SPTY2D1: variants seen among roughly 807,000 people sequenced by gnomAD.
The protein encoded by SPTY2D1 is protein SPT2 homolog.
Under a neutral mutation model 64.0 loss-of-function variants are expected in SPTY2D1, and 21 were observed. The observed-to-expected ratio is 0.33, with a 90% CI of 0.23 to 0.47. SPTY2D1 has a LOEUF of 0.47. Ranked by LOEUF, SPTY2D1 falls within the 20% of genes least tolerant of loss-of-function variation. SPTY2D1 has a pLI of 1.00. For synonymous variants in SPTY2D1, 287 were observed against 286.8 expected (o/e 1.00, Z -0.01); for missense variants, 724 against 837.2 (o/e 0.86, Z 1.67).
chr11:18,614,488 T>A (rs1854256001), intron 3 of SPTY2D1, 75 bp downstream of exon 3: 2 of 1,410,924 alleles, frequency 1.4e-6, no homozygotes, highest in Non-Finnish European at 1.9e-6. Context: ...GTTCAAAGGG[T>A]CCCTGATAAT....
In SPTY2D1 at chr11:18,611,545, A is replaced by C. The variant is rs768363830; in HGVS notation, c.1896T>G (p.Asp632Glu). The C allele has an allele frequency of 1.2e-6, 2 of 1,613,540 alleles. No individual in the cohort carries two copies. Among genetic ancestry groups the C allele is most frequent in the Non-Finnish European group, 1.7e-6 (2 of 1,179,750 alleles). The change falls in exon 5 of 6, where the codon GAT (aspartate) becomes GAG (glutamate). Residue 632 changes from aspartate to glutamate, a missense_variant. Asp to Glu is a conservative substitution (Grantham distance 45). Transcript: ENST00000336349. ...TGTAACGTAAGGCATAATCACTTTCATCTTTGTATCTGATAAAAGGAAATC... is the reference window on the plus strand; with the variant it reads ...TGTAACGTAAGGCATAATCACTTTCCTCTTTGTATCTGATAAAAGGAAATC... Reference protein sequence around the residue: ...IFGYDRKKYKDESDYALRYME... With the variant: ...IFGYDRKKYKEESDYALRYME...
intron 3 of SPTY2D1, among the ~76,000 whole-genome samples, chr11:18,614,332 G>C (rs747753690): frequency 1.3e-5 from 2 of 152,156 alleles, no homozygotes; most frequent in Non-Finnish European, 2.9e-5. Context: ...TAAGGTGGGA[G>C]AACTGCTTGA....
At position 18,634,310 on chromosome 11, in the gene SPTY2D1, G is replaced by T. The variant is rs538178725; in HGVS notation, c.-53C>A. 2.8e-5 allele frequency: 44 copies of T among 1,597,372 alleles called. No individual in the cohort carries two copies. The South Asian group carries it at 3.5e-4, about 13-fold the overall frequency. On this transcript the variant is annotated 5_prime_UTR_variant, in exon 1 of 6. Transcript: ENST00000336349. The stretch of plus-strand genomic sequence containing the variant: ...CAGGCACTCGGAAAGGACTGACAGC[G>T]CACCTAACCGAGGCGCCCAGCTACA...
rs76924634 is a variant in SPTY2D1 at position 18,611,014 on chromosome 11, G to C, written c.1964+463C>G. Among the ~76,000 whole-genome samples the C allele has an allele frequency of 8.7e-3, 1,325 of 152,276 alleles. 21 individuals carry two copies. The highest frequency in any genetic ancestry group is 0.027 in the African/African-American group (1,108 of 41,550). Reference sequence around the variant, plus strand: ...ATTCTCATTTTACAAAAGAAAATAGGCTGGGCATGGTGGCTCACACCTATA... The same window carrying C: ...ATTCTCATTTTACAAAAGAAAATAGCCTGGGCATGGTGGCTCACACCTATA... On this transcript the variant is annotated intron_variant, in intron 5 of 5. Coordinates refer to ENST00000336349, the MANE Select transcript of SPTY2D1 (RefSeq NM_194285.3).
chr11:18,632,152 T>TAAA (rs879568614), intron 1 of SPTY2D1, among the ~76,000 whole-genome samples: 1 of 143,084 alleles, frequency 7.0e-6, no homozygotes, highest in African/African-American at 2.6e-5. Flanking sequence ...GACTCTATCT[T>TAAA]AAAAAAAAAA....
chr11:18,620,706 GA>G (rs1854381158), intron 1 of SPTY2D1, among the ~76,000 whole-genome samples: 1 of 151,786 alleles, frequency 6.6e-6, no homozygotes. Context: ...CCAACACAGT[GA>G]AACCCTGTCT....
At chr11:18,631,605 A>C (rs11024742) in intron 1 of SPTY2D1, among the ~76,000 whole-genome samples, 3,409 of 131,612 alleles carry the variant, frequency 0.026, 68 homozygotes, top group East Asian at 0.08. Context: ...TAGATAACAA[A>C]AAAAAAAAAA....
rs986355391 is a variant in SPTY2D1 at position 18,608,856 on chromosome 11, G to A, written c.*1005C>T. The A allele has an allele frequency of 6.6e-6, 1 of 152,538 alleles. No homozygotes were observed. Among genetic ancestry groups the A allele is most frequent in the South Asian group, 2.1e-4 (1 of 4,834 alleles). The allele number at this position is 152,538 out of a possible 1,614,324, so 9.4% of individuals were successfully genotyped here. A position where few individuals can be genotyped will look rare whatever the true frequency, so the allele number is the denominator to read the frequency against. ...GGCAAAAAGAGAAGGTGGTGCTCTCGATACCATAAATTTAGTTTTTGGTTT... is the reference window on the plus strand; with the variant it reads ...GGCAAAAAGAGAAGGTGGTGCTCTCAATACCATAAATTTAGTTTTTGGTTT... On this transcript the variant is annotated 3_prime_UTR_variant, in exon 6 of 6. Transcript: ENST00000336349.
In SPTY2D1 at chr11:18,634,332, T is replaced by A; in HGVS notation, c.-75A>T. On this transcript the variant is annotated 5_prime_UTR_variant, in exon 1 of 6. Coordinates refer to ENST00000336349, the MANE Select transcript of SPTY2D1 (RefSeq NM_194285.3). The stretch of plus-strand genomic sequence containing the variant: ...AGCGCACCTAACCGAGGCGCCCAGC[T>A]ACAGCCAACTGCACTGCCTCGGGAG... 6.6e-7 allele frequency: 1 copy of A among 1,511,824 alleles called. No individual in the cohort carries two copies. Among genetic ancestry groups the A allele is most frequent in the Non-Finnish European group, 9.2e-7 (1 of 1,091,384 alleles). 93.7% of individuals were successfully genotyped at this position (1,511,824 alleles called of 1,614,324 possible).
rs771940490 is a variant in SPTY2D1, at chr11:18,615,808, G to C, written c.466C>G (p.Pro156Ala). ...GGGGCACTTTTAAGGGGGACCTTTG[G>C]TTTGCTTTCAACTTTGGGAGGTTCT... ...EQEPPKVESK[P>A]KVPLKSAPPP... is the part of the protein sequence containing the mutation. The change falls in exon 3 of 6, where the codon CCA becomes GCA. Residue 156 changes from proline (P) to alanine (A), a missense_variant. By Grantham distance (27) the Pro-to-Ala change is conservative (BLOSUM62 -1). This residue lies in a region of SPTY2D1 where 179 missense variants were observed against 232.5 expected (regional missense o/e 0.77). Coordinates refer to ENST00000336349, the MANE Select transcript of SPTY2D1 (RefSeq NM_194285.3). 1.2e-6 allele frequency: 2 copies of C among 1,614,084 alleles called. No individual in the cohort carries two copies. The highest frequency in any genetic ancestry group is 2.2e-5 in the East Asian group (1 of 44,876).
intron 1 of SPTY2D1, among the ~76,000 whole-genome samples, chr11:18,627,941 G>A (rs1335242848): frequency 6.6e-6 from 1 of 152,010 alleles, no homozygotes; most frequent in Non-Finnish European, 1.5e-5. Context: ...CCAGCTACTC[G>A]GGAGTCTGAG....
chr11:18,619,315 C>T (rs1383048260), intron 1 of SPTY2D1, among the ~76,000 whole-genome samples: 1 of 151,928 alleles, frequency 6.6e-6, no homozygotes, highest in African/African-American at 2.4e-5. Context: ...GATTTTTTTT[C>T]ACTAACACTT....
At position 18,634,287 on chromosome 11, in the gene SPTY2D1, G is replaced by A. The variant is rs757065012; in HGVS notation, c.-30C>T. On this transcript the variant is annotated 5_prime_UTR_variant, in exon 1 of 6. Coordinates refer to ENST00000336349, the MANE Select transcript of SPTY2D1 (RefSeq NM_194285.3). ...GGCCGAGGCGGGAGAGACTGGGCCAGGCACTCGGAAAGGACTGACAGCGCA... is the reference window on the plus strand; with the variant it reads ...GGCCGAGGCGGGAGAGACTGGGCCAAGCACTCGGAAAGGACTGACAGCGCA... 2 of 1,613,076 alleles carry A rather than the reference G, an allele frequency of 1.2e-6. No homozygotes were observed. Among genetic ancestry groups the A allele is most frequent in the Non-Finnish European group, 1.7e-6 (2 of 1,179,274 alleles).
chr11:18,622,185 C>T (rs554093026), intron 1 of SPTY2D1, among the ~76,000 whole-genome samples: 2 of 149,326 alleles, frequency 1.3e-5, no homozygotes, highest in South Asian at 4.2e-4. Context: ...TTTAGGTTCA[C>T]AACCTAAAAA....
Position 18,634,293 on chromosome 11 carries a change from C to CA in SPTY2D1, c.-37_-36insT. The CA allele has an allele frequency of 6.2e-7, 1 of 1,611,574 alleles. No homozygotes were observed. The highest frequency in any genetic ancestry group is 8.5e-7 in the Non-Finnish European group (1 of 1,178,094). ...GGCGGGAGAGACTGGGCCAGGCACT[C>CA]GGAAAGGACTGACAGCGCACCTAAC... On this transcript the variant is annotated 5_prime_UTR_variant, in exon 1 of 6. Coordinates refer to ENST00000336349, the MANE Select transcript of SPTY2D1 (RefSeq NM_194285.3).
Position 18,614,619 on chromosome 11 carries a change from C to G in SPTY2D1, c.1655G>C (p.Ser552Thr). The change falls in exon 3 of 6, where the codon AGC becomes ACC. Residue 552 changes from serine (S) to threonine (T), a missense_variant. Transcript: ENST00000336349. ...CTTCATTCCATTCATCTGTCCATTG[C>G]TGGACCGGCTAATGATATTCTTGGA... The part of the protein sequence containing the change: ...ISSKNIISRS[S>T]NGQMNGMKPP... The G allele has an allele frequency of 6.2e-7, 1 of 1,614,164 alleles. No homozygotes were observed. The highest frequency in any genetic ancestry group is 1.1e-5 in the South Asian group (1 of 91,070).
rs550778265 is a variant in SPTY2D1, at chr11:18,625,566, T to A, written c.61-8577A>T. 2.4e-4 allele frequency among the ~76,000 whole-genome samples: 36 copies of A among 151,282 alleles called. 1 individual carries two copies. The South Asian group carries it at 6.7e-3, about 28-fold the overall frequency. On this transcript the variant is annotated intron_variant, in intron 1 of 5. Coordinates refer to ENST00000336349, the MANE Select transcript of SPTY2D1 (RefSeq NM_194285.3). ...TACAACACATCTCATTTTTTTTTTT[T>A]AGAAATACATAGGGTCTTGCTTGAT...
chr11:18,634,065 A>G, intron 1 of SPTY2D1, 133 bp downstream of exon 1: 1 of 973,660 alleles, frequency 1.0e-6, no homozygotes, highest in East Asian at 2.4e-5. Flanking sequence ...TAAACCCAAG[A>G]AAAGGAAATA....
intron 1 of SPTY2D1, among the ~76,000 whole-genome samples, chr11:18,620,133 T>C (rs1403162285): frequency 6.6e-6 from 1 of 152,168 alleles, no homozygotes; most frequent in Non-Finnish European, 1.5e-5. Context: ...TTTATGATTT[T>C]TGCCTTTGTG....
Sources: gnomAD v4.1 joint callset for allele counts (sites outside exome capture counted in the v4.1 genomes callset) on GRCh38, gnomAD v4.1.1 for gene constraint, gnomAD v4.1.1 regional missense constraint, MANE v1.5 for transcripts, NCBI Gene and HGNC (gene_info 2026-07-23, HGNC 2026-07-21) for gene names.